CEP89: variants seen among roughly 807,000 people sequenced by gnomAD.
The protein encoded by CEP89 is centrosomal protein of 89 kDa.
A neutral mutation model predicts 97.6 loss-of-function variants in CEP89; 95 were observed. The ratio of observed to expected loss-of-function variants is 0.97; its 90% CI spans 0.82 to 1.15. CEP89 has a LOEUF of 1.15. Ranked by LOEUF, CEP89 falls within the 50% of genes most tolerant of loss-of-function variation. The pLI, the probability that CEP89 is intolerant of heterozygous loss-of-function variation, is 0.00. For missense variants in CEP89, 869 were observed against 947.7 expected, an observed-to-expected ratio of 0.92 and a Z score of 1.09; for synonymous variants, 354 against 349.1, an observed-to-expected ratio of 1.01 and a Z score of -0.16.
intron 2 of CEP89, among the ~76,000 whole-genome samples, chr19:32,961,706 C>T (rs185825684): frequency 1.6e-3 from 237 of 151,992 alleles, no homozygotes; most frequent in African/African-American, 5.3e-3. Flanking sequence ...TACAGTGGCG[C>T]AATCACAGCT....
chr19:32,886,470 C>A (rs541834732), intron 17 of CEP89, among the ~76,000 whole-genome samples: 1 of 152,134 alleles, frequency 6.6e-6, no homozygotes, highest in East Asian at 1.9e-4. Flanking sequence ...TCGTCACAGC[C>A]CCGGATTTCC....
At chr19:32,935,413 A>AT (rs1970558615) in intron 7 of CEP89, among the ~76,000 whole-genome samples, 1 of 152,224 alleles carries the variant, frequency 6.6e-6, no homozygotes, top group African/African-American at 2.4e-5. Flanking sequence ...CTAAGACTGG[A>AT]TGCGCATGGT....
At chr19:32,934,436 G>A (rs1422706700) in intron 7 of CEP89, among the ~76,000 whole-genome samples, 1 of 152,204 alleles carries the variant, frequency 6.6e-6, no homozygotes, top group Non-Finnish European at 1.5e-5. Context: ...TGTTCCACGG[G>A]GAGATGTGCT....
chr19:32,959,093 T>G (rs1971112405), intron 3 of CEP89, among the ~76,000 whole-genome samples: 1 of 148,852 alleles, frequency 6.7e-6, no homozygotes, highest in Non-Finnish European at 1.5e-5. Context: ...CCTACTCCCA[T>G]CCCTGCCCCA....
Position 32,953,670 on chromosome 19 carries a change from C to A in CEP89, c.437G>T (p.Arg146Leu), listed in dbSNP as rs74504201. Residue 146 changes from arginine (R) to leucine (L), a missense_variant, in exon 4 of 19, where the codon CGG (arginine) becomes CTG (leucine). Physicochemically the swap from Arg to Leu is moderately radical, Grantham distance 102. Transcript: ENST00000305768. ...SGKELGDVSA[R>L]EDRGGHSDDL... Reference sequence around the variant, plus strand: ...ATCACTGTGGCCTCCTCTGTCCTCCCGGGCACTGACATCCCCCAATTCCTT... The same window carrying A: ...ATCACTGTGGCCTCCTCTGTCCTCCAGGGCACTGACATCCCCCAATTCCTT... The A allele has an allele frequency of 6.2e-7, 1 of 1,613,982 alleles. No individual in the cohort carries two copies. Among genetic ancestry groups the A allele is most frequent in the Non-Finnish European group, 8.5e-7 (1 of 1,179,962 alleles).
intron 12 of CEP89, among the ~76,000 whole-genome samples, chr19:32,918,878 C>CTTTTCTTTTTTT (rs1568559832): frequency 8.1e-5 from 9 of 110,866 alleles, no homozygotes; most frequent in African/African-American, 1.4e-4. Context: ...TTTTCTTTTT[C>CTTTTCTTTTTTT]TTTTTCTTTT....
intron 7 of CEP89, among the ~76,000 whole-genome samples, chr19:32,934,184 C>G (rs1355386899): frequency 7.7e-6 from 1 of 130,142 alleles, no homozygotes; most frequent in Non-Finnish European, 1.7e-5. Flanking sequence ...CCACCCAGGT[C>G]TGTGTCTGGC....
chr19:32,941,273 T>G (rs1376499990), intron 5 of CEP89, among the ~76,000 whole-genome samples: 1 of 151,146 alleles, frequency 6.6e-6, no homozygotes, highest in Non-Finnish European at 1.5e-5. Flanking sequence ...GAGGCTGAGG[T>G]GGATGGATCA....
At chr19:32,900,450 G>A (rs184301233) in intron 15 of CEP89, among the ~76,000 whole-genome samples, 43 of 151,790 alleles carry the variant, frequency 2.8e-4, no homozygotes, top group African/African-American at 9.4e-4. Context: ...TTTTTAAGTA[G>A]CCAGGGCTTC....
chr19:32,945,284 CAAAAAAAAA>C (rs10709515), intron 5 of CEP89, among the ~76,000 whole-genome samples: 2 of 95,870 alleles, frequency 2.1e-5, no homozygotes, highest in Middle Eastern at 6.0e-3. Context: ...AACTATGTTT[CAAAAAAAAA>C]AAAAAAAAAA....
intron 10 of CEP89, among the ~76,000 whole-genome samples, chr19:32,926,500 G>C (rs1264287409): frequency 3.3e-5 from 5 of 152,134 alleles, no homozygotes; most frequent in Non-Finnish European, 7.3e-5. Flanking sequence ...GAGGAACCCA[G>C]AGGCATGCAG....
chr19:32,932,926 G>A (rs1254364648), intron 8 of CEP89, among the ~76,000 whole-genome samples: 1 of 152,122 alleles, frequency 6.6e-6, no homozygotes. Flanking sequence ...GTCCAACCTA[G>A]GTGACAAGAG....
chr19:32,923,615 G>T, intron 11 of CEP89, 73 bp from the exon 12 acceptor site: 1 of 970,844 alleles, frequency 1.0e-6, no homozygotes, highest in Non-Finnish European at 1.6e-6. Context: ...TGGTGCTGCT[G>T]CTGTGGCTAA....
chr19:32,963,626 A>G (rs912240723), intron 2 of CEP89: 2 of 152,194 alleles, frequency 1.3e-5, no homozygotes, highest in African/African-American at 4.8e-5. Context: ...CCCCTGGCAT[A>G]CACAAAGAGA....
At position 32,927,607 on chromosome 19, in the gene CEP89, CT is replaced by C. The variant is rs113687259; in HGVS notation, c.1030-624del. Reference sequence around the variant, plus strand: ...ATTTAGCTGTCAAGTCTTTTATGTCCTTTTTTTTTCCTTCTGAGACAGGGTC... The same window carrying C: ...ATTTAGCTGTCAAGTCTTTTATGTCCTTTTTTTTCCTTCTGAGACAGGGTC... On this transcript the variant is annotated intron_variant, in intron 9 of 18. Coordinates refer to ENST00000305768, the MANE Select transcript of CEP89 (RefSeq NM_032816.5). Among the ~76,000 whole-genome samples, 388 of 151,086 alleles carry C rather than the reference CT, an allele frequency of 2.6e-3. 2 individuals carry two copies. Among genetic ancestry groups the C allele is most frequent in the African/African-American group, 8.8e-3 (362 of 41,186 alleles).
chr19:32,879,007 G>A lies in CEP89; in HGVS notation c.*155C>T. The A allele has an allele frequency of 1.9e-6, 1 of 525,404 alleles. No individual in the cohort carries two copies. The highest frequency in any genetic ancestry group is 3.3e-6 in the Non-Finnish European group (1 of 303,946). The allele number at this position is 525,404 out of a possible 1,614,324, so 32.5% of individuals were successfully genotyped here. ...AAAATAAAGCAAAATGTTATCAATG[G>A]ATTAAACTATGAGACCATTTATTTC... is the stretch of plus-strand genomic sequence containing the variant. On this transcript the variant is annotated 3_prime_UTR_variant, in exon 19 of 19. Transcript: ENST00000305768.
At position 32,959,990 on chromosome 19, in the gene CEP89, C is replaced by A. The variant is rs763140099; in HGVS notation, c.215G>T (p.Arg72Leu). 1 of 1,614,166 alleles carries A rather than the reference C, an allele frequency of 6.2e-7. No homozygotes were observed. Among genetic ancestry groups the A allele is most frequent in the Non-Finnish European group, 8.5e-7 (1 of 1,180,034 alleles). Residue 72 changes from arginine to leucine, a missense_variant, in exon 3 of 19, where the codon CGC becomes CTC. Arg to Leu is a moderately radical substitution (Grantham distance 102). Coordinates refer to ENST00000305768, the MANE Select transcript of CEP89 (RefSeq NM_032816.5). ...ATCACTCTCAGACCGGGACCTCTGG[C>A]GAGGCTGAGGAATAGCAACCGTCCG... Reference protein sequence around the residue: ...TGRTVAIPQPRQRSRSESDVS... With the variant: ...TGRTVAIPQPLQRSRSESDVS...
intron 14 of CEP89, 22 bp downstream of exon 14, chr19:32,915,315 A>AG: frequency 6.4e-7 from 1 of 1,552,118 alleles, no homozygotes; most frequent in Non-Finnish European, 8.7e-7. Flanking sequence ...AAAAAAAAAA[A>AG]GAAAAAACAT....
intron 3 of CEP89, among the ~76,000 whole-genome samples, chr19:32,959,182 C>T (rs185882495): frequency 2.5e-3 from 374 of 152,158 alleles, no homozygotes; most frequent in African/African-American, 8.4e-3. Context: ...ACCAAAGGCA[C>T]CCCCAGCCTG....
Sources: allele counts gnomAD v4.1 joint callset (sites outside exome capture counted in the v4.1 genomes callset), GRCh38; gene constraint gnomAD v4.1.1; transcripts MANE v1.5; gene names NCBI Gene and HGNC (gene_info 2026-07-23, HGNC 2026-07-21).